VPS54: variants seen among roughly 807,000 people sequenced by gnomAD.
VPS54 encodes the protein vacuolar protein sorting-associated protein 54.
VPS54 carries 45 observed loss-of-function variants against 121.5 expected under a neutral mutation model. The ratio of observed to expected loss-of-function variants is 0.37; its 90% CI spans 0.29 to 0.47. The LOEUF (loss-of-function observed/expected upper bound fraction) is 0.47. Among genes scored for constraint, VPS54 ranks in the 20% least tolerant of loss-of-function variants. The probability of loss-of-function intolerance (pLI) is 0.99; values close to 1 mark genes in which losing one functional copy is unlikely to be tolerated. For missense variants in VPS54, 1,090 were observed against 1,131.4 expected (o/e 0.96, Z 0.52); for synonymous variants, 371 against 385.8 (o/e 0.96, Z 0.45).
At chr2:63,971,658 G>A (rs965788730) in intron 4 of VPS54, among the ~76,000 whole-genome samples, 2 of 152,126 alleles carry the variant, frequency 1.3e-5, no homozygotes, top group Non-Finnish European at 2.9e-5. Context: ...GCTAAGTTAC[G>A]CATGTTATAA....
intron 11 of VPS54, among the ~76,000 whole-genome samples, chr2:63,939,554 CT>C (rs1307611860): frequency 1.3e-5 from 2 of 152,054 alleles, no homozygotes; most frequent in Non-Finnish European, 2.9e-5. Flanking sequence ...AACAAAACAA[CT>C]TTTTCTGATT....
At chr2:63,968,028 T>C (rs1676090319) in intron 5 of VPS54, among the ~76,000 whole-genome samples, 1 of 152,198 alleles carries the variant, frequency 6.6e-6, no homozygotes, top group African/African-American at 2.4e-5. Context: ...GAAGTGAACA[T>C]TGAGCCTTAA....
intron 1 of VPS54, among the ~76,000 whole-genome samples, chr2:64,004,502 G>A (rs1210416503): frequency 2.0e-5 from 3 of 152,074 alleles, no homozygotes; most frequent in Non-Finnish European, 4.4e-5. Flanking sequence ...GATAACAGGA[G>A]GACAACCTGA....
chr2:63,933,712 T>C lies in VPS54; in HGVS notation c.1700A>G (p.His567Arg), dbSNP rs184409037. 4.2e-5 allele frequency: 68 copies of C among 1,613,620 alleles called. No individual in the cohort carries two copies. The East Asian group carries it at 1.2e-3, about 30-fold the overall frequency. Residue 567 changes from histidine (H) to arginine (R), a missense_variant, in exon 12 of 23, where the codon CAC becomes CGC. His to Arg is a conservative substitution (Grantham distance 29). Around this residue, in one of 2 missense-constraint regions of VPS54, gnomAD observed 801 missense variants for 757.0 expected, o/e 1.06. Coordinates refer to ENST00000272322, the MANE Select transcript of VPS54 (RefSeq NM_016516.3). ...TCCTGGAATAGCAGATGATGATGTG[T>C]GCTCTTTGCTGGATGAAGAATCAGT... ...CTTDSSSSKE[H>R]TSSSAIPGGV...
chr2:63,940,558 G>C (rs1474458959), intron 11 of VPS54, among the ~76,000 whole-genome samples: 1 of 151,932 alleles, frequency 6.6e-6, no homozygotes, highest in African/African-American at 2.4e-5. Context: ...GTGAAACCAC[G>C]TACAGCAGGT....
chr2:63,935,515 G>A (rs1268249581), intron 11 of VPS54, among the ~76,000 whole-genome samples: 2 of 151,904 alleles, frequency 1.3e-5, no homozygotes, highest in Non-Finnish European at 1.5e-5. Context: ...TATCTCTTCT[G>A]TCTTGCTAAT....
chr2:63,977,788 A>C (rs985049622), intron 3 of VPS54, among the ~76,000 whole-genome samples: 1 of 152,232 alleles, frequency 6.6e-6, no homozygotes, highest in African/African-American at 2.4e-5. Flanking sequence ...GATATGATAT[A>C]CCAAAGTTAA....
In VPS54 at chr2:63,962,328, T is replaced by C; in HGVS notation, c.740A>G (p.Lys247Arg). Residue 247 changes from lysine to arginine, a missense_variant, in exon 7 of 23, where the codon AAA (lysine) becomes AGA (arginine). Coordinates refer to ENST00000272322, the MANE Select transcript of VPS54 (RefSeq NM_016516.3). ...SQHELQDYLR[K>R]TSQAVKMLRD... ...AAGCATTTTTACAGCCTGGGAAGTT[T>C]TCCTGAGGTAGTCCTGCAACTCGTG... 2 of 1,614,046 alleles carry C rather than the reference T, an allele frequency of 1.2e-6. No individual in the cohort carries two copies. Among genetic ancestry groups the C allele is most frequent in the Non-Finnish European group, 8.5e-7 (1 of 1,179,914 alleles).
chr2:63,987,475 C>G (rs567127161), intron 1 of VPS54, among the ~76,000 whole-genome samples: 2 of 151,710 alleles, frequency 1.3e-5, no homozygotes, highest in African/African-American at 4.8e-5. Context: ...TTCCAATTTT[C>G]TTTTTTTTGC....
chr2:63,892,727 ATC>A lies in VPS54; in HGVS notation c.*701_*702del, dbSNP rs1342320799. 2 of 57,460 alleles carry A rather than the reference ATC, an allele frequency of 3.5e-5. No individual in the cohort carries two copies. The highest frequency in any genetic ancestry group is 7.5e-5 in the Non-Finnish European group (2 of 26,624). The allele number at this position is 57,460 out of a possible 1,614,324, so 3.6% of individuals were successfully genotyped here. On this transcript the variant is annotated 3_prime_UTR_variant, in exon 23 of 23. Transcript: ENST00000272322. ...TTTAGTTGCATAAATAGATGCCAGG[ATC>A]TTTTTTTTTAAGTATTAATTACTTA...
In VPS54 at chr2:63,967,718, C is replaced by CAAAAAAAAAAAAA. The variant is rs56820620; in HGVS notation, c.492+1226_492+1238dup. Reference sequence around the variant, plus strand: ...TGGGCGACAGAGAGAGACTCTGCCTCAAAAAAAAAAAAAAAAATCTTATAA... The same window carrying CAAAAAAAAAAAAA: ...TGGGCGACAGAGAGAGACTCTGCCTCAAAAAAAAAAAAAAAAAAAAAAAAAAAAAATCTTATAA... On this transcript the variant is annotated intron_variant, in intron 5 of 22. Coordinates refer to ENST00000272322, the MANE Select transcript of VPS54 (RefSeq NM_016516.3). 1.9e-3 allele frequency among the ~76,000 whole-genome samples: 99 copies of CAAAAAAAAAAAAA among 52,956 alleles called. 13 individuals are homozygous for CAAAAAAAAAAAAA. Among genetic ancestry groups the CAAAAAAAAAAAAA allele is most frequent in the Admixed American group, 3.0e-3 (14 of 4,664 alleles). The allele number at this position is 52,956 out of a possible 152,430, so 34.7% of individuals were successfully genotyped here.
chr2:63,903,056 AT>A (rs1672755303), intron 20 of VPS54, among the ~76,000 whole-genome samples: 1 of 152,216 alleles, frequency 6.6e-6, no homozygotes. Flanking sequence ...AAAGGATCTA[AT>A]GAAACCGAAA....
intron 7 of VPS54, among the ~76,000 whole-genome samples, chr2:63,961,757 T>C (rs1272411618): frequency 6.6e-6 from 1 of 152,206 alleles, no homozygotes; most frequent in Non-Finnish European, 1.5e-5. Context: ...CCTACCATTG[T>C]GACACAAAGC....
chr2:63,950,931 A>AT (rs764181724), intron 7 of VPS54, among the ~76,000 whole-genome samples: 14 of 152,136 alleles, frequency 9.2e-5, no homozygotes, highest in South Asian at 4.1e-4. Flanking sequence ...TTATCATGAC[A>AT]TTTTTTTAAG....
intron 20 of VPS54, among the ~76,000 whole-genome samples, chr2:63,909,267 G>A (rs1191927294): frequency 6.6e-6 from 1 of 152,106 alleles, no homozygotes; most frequent in Admixed American, 6.5e-5. Flanking sequence ...GTGTATCCCT[G>A]ATACTGAACA....
At chr2:63,894,551 A>T (rs1168320409) in intron 22 of VPS54, among the ~76,000 whole-genome samples, 1 of 152,008 alleles carries the variant, frequency 6.6e-6, no homozygotes, top group Non-Finnish European at 1.5e-5. Flanking sequence ...AAAATTAAAA[A>T]AATTAGCTGG....
At chr2:63,922,600 A>C (rs1203291328) in intron 12 of VPS54, among the ~76,000 whole-genome samples, 2 of 152,186 alleles carry the variant, frequency 1.3e-5, no homozygotes, top group Non-Finnish European at 2.9e-5. Flanking sequence ...AGAACACTGA[A>C]TCTTAGAAAG....
chr2:63,982,801 A>C (rs527359004), intron 2 of VPS54, among the ~76,000 whole-genome samples: 4 of 152,228 alleles, frequency 2.6e-5, no homozygotes, highest in Non-Finnish European at 5.9e-5. Flanking sequence ...ACAGACCACA[A>C]AAAGAACATT....
intron 9 of VPS54, among the ~76,000 whole-genome samples, chr2:63,946,383 T>A (rs1266565978): frequency 1.3e-5 from 2 of 152,176 alleles, no homozygotes; most frequent in African/African-American, 4.8e-5. Context: ...TACATATTTC[T>A]GTTGGGTGCA....
Sources: gnomAD v4.1 joint callset for allele counts (sites outside exome capture counted in the v4.1 genomes callset) on GRCh38, gnomAD v4.1.1 for gene constraint, gnomAD v4.1.1 regional missense constraint, MANE v1.5 for transcripts, NCBI Gene and HGNC (gene_info 2026-07-23, HGNC 2026-07-21) for gene names.